CCDC102B: variants seen among roughly 807,000 people sequenced by gnomAD.
The protein encoded by CCDC102B is coiled-coil domain containing 102B, also known as coiled-coil domain-containing protein 102B.
A neutral mutation model predicts 57.4 loss-of-function variants in CCDC102B; 75 were observed. The ratio of observed to expected loss-of-function variants is 1.31; its 90% CI spans 1.08 to 1.58. The LOEUF (loss-of-function observed/expected upper bound fraction) is 1.58, where lower values mean the gene tolerates loss of function less well. Among genes scored for constraint, CCDC102B ranks in the 40% most tolerant of loss-of-function variants. The probability of loss-of-function intolerance (pLI) is 0.00; values close to 1 mark genes in which losing one functional copy is unlikely to be tolerated. For missense variants in CCDC102B, 636 were observed against 582.6 expected (o/e 1.09, Z -0.94); for synonymous variants, 206 against 201.9 (o/e 1.02, Z -0.17).
chr18:68,761,623 C>G (rs189026092), intron 2 of CCDC102B, among the ~76,000 whole-genome samples: 4 of 151,960 alleles, frequency 2.6e-5, no homozygotes, highest in African/African-American at 9.7e-5. Context: ...ACTTCCTTAA[C>G]GCTGGCATAG....
intron 6 of CCDC102B, chr18:68,897,636 A>G: frequency 2.0e-6 from 3 of 1,499,214 alleles, no homozygotes; most frequent in African/African-American, 1.4e-5. Flanking sequence ...AAATATGACA[A>G]ATCTTCAGAC....
chr18:68,950,516 T>C (rs1238525148), intron 6 of CCDC102B, among the ~76,000 whole-genome samples: 1 of 152,148 alleles, frequency 6.6e-6, no homozygotes, highest in Non-Finnish European at 1.5e-5. Context: ...AAATATGTAT[T>C]TGTAATACAT....
At chr18:69,034,346 C>T (rs1005527924) in intron 7 of CCDC102B, among the ~76,000 whole-genome samples, 2 of 151,864 alleles carry the variant, frequency 1.3e-5, no homozygotes, top group African/African-American at 4.8e-5. Flanking sequence ...AGTTTTAGCT[C>T]TCACATTTGG....
rs1304715023 is a variant in CCDC102B, at chr18:68,860,002, C to T, written c.936+13581C>T. Among the ~76,000 whole-genome samples the T allele has an allele frequency of 1.1e-4, 9 of 82,036 alleles. 1 individual carries two copies. In the South Asian group the frequency reaches 1.6e-3, roughly 14 times the overall value. The allele number at this position is 82,036 out of a possible 152,430, so 53.8% of individuals were successfully genotyped here. On this transcript the variant is annotated intron_variant, in intron 4 of 7. Coordinates refer to ENST00000360242, the MANE Select transcript of CCDC102B (RefSeq NM_024781.3). ...ATGCTGCTATAAAGACACATGCACA[C>T]GTATGTTTATTGCGGCATTATTCAC...
chr18:68,764,732 A>G (rs1163173010), intron 2 of CCDC102B, among the ~76,000 whole-genome samples: 1 of 152,124 alleles, frequency 6.6e-6, no homozygotes, highest in Non-Finnish European at 1.5e-5. Context: ...TAAATTTTAA[A>G]ATATCCATCA....
chr18:68,936,901 G>A (rs1418716144), intron 6 of CCDC102B, among the ~76,000 whole-genome samples: 1 of 151,102 alleles, frequency 6.6e-6, no homozygotes, highest in African/African-American at 2.4e-5. Context: ...ACATACGTAA[G>A]TCAATTACTA....
intron 1 of CCDC102B, among the ~76,000 whole-genome samples, chr18:68,815,297 T>C (rs1402919925): frequency 6.6e-6 from 1 of 152,142 alleles, no homozygotes; most frequent in Non-Finnish European, 1.5e-5. Flanking sequence ...AACAAATCTG[T>C]GTATTTCAAA....
At chr18:69,002,698 A>T (rs1208792193) in intron 6 of CCDC102B, among the ~76,000 whole-genome samples, 10 of 151,854 alleles carry the variant, frequency 6.6e-5, no homozygotes, top group Admixed American at 5.9e-4. Context: ...GTTCTCTATT[A>T]AGGTCATTAT....
chr18:68,938,620 A>G (rs1344792043), intron 6 of CCDC102B, among the ~76,000 whole-genome samples: 1 of 151,828 alleles, frequency 6.6e-6, no homozygotes, highest in Admixed American at 6.6e-5. Context: ...GTATCATTTT[A>G]TACTTAAAAT....
intron 4 of CCDC102B, among the ~76,000 whole-genome samples, chr18:68,855,083 C>T (rs749447218): frequency 1.3e-5 from 2 of 152,116 alleles, no homozygotes; most frequent in Non-Finnish European, 2.9e-5. Context: ...TAAGACACCC[C>T]ATTAGCAAAA....
intron 4 of CCDC102B, among the ~76,000 whole-genome samples, chr18:68,856,991 ATTCT>A (rs1046816697): frequency 4.3e-5 from 6 of 139,566 alleles, no homozygotes; most frequent in African/African-American, 1.3e-4. Context: ...ATAATGATCC[ATTCT>A]TTATTTTGTT....
chr18:68,853,415 C>T (rs117101989), intron 4 of CCDC102B, among the ~76,000 whole-genome samples: 1,611 of 151,864 alleles, frequency 0.011, 21 homozygotes, highest in Admixed American at 0.033. Flanking sequence ...GGAAAAAAGA[C>T]TAAATGCTAT....
At chr18:68,953,733 A>T (rs1021032007) in intron 6 of CCDC102B, among the ~76,000 whole-genome samples, 2 of 152,170 alleles carry the variant, frequency 1.3e-5, no homozygotes, top group Non-Finnish European at 2.9e-5. Flanking sequence ...AATTCTAAAG[A>T]TGATAAACAT....
intron 2 of CCDC102B, among the ~76,000 whole-genome samples, chr18:68,788,125 G>A (rs1220093956): frequency 6.6e-6 from 1 of 152,024 alleles, no homozygotes; most frequent in East Asian, 1.9e-4. Context: ...CAGTTTCCAT[G>A]TAGTTGAGCG....
intron 6 of CCDC102B, among the ~76,000 whole-genome samples, chr18:68,918,649 G>T (rs1906214273): frequency 6.6e-6 from 1 of 152,256 alleles, no homozygotes; most frequent in Admixed American, 6.5e-5. Context: ...CAAGAAACCT[G>T]AACAGAAGAC....
chr18:68,876,210 C>A (rs1002805424), intron 5 of CCDC102B, among the ~76,000 whole-genome samples: 2 of 152,078 alleles, frequency 1.3e-5, no homozygotes, highest in South Asian at 2.1e-4. Flanking sequence ...AATATTTAAT[C>A]TTTAGTTCTG....
chr18:68,821,159 A>T (rs1371375656), intron 1 of CCDC102B, among the ~76,000 whole-genome samples: 4 of 152,102 alleles, frequency 2.6e-5, no homozygotes. Flanking sequence ...CACACTACAC[A>T]AAAATTTGGC....
rs112874502 is a variant in CCDC102B at position 68,897,701 on chromosome 18, T to A, written c.1263+273T>A. ...AAATGAAGTAAGAAATAGAACTTTCTGGTTTTTTGTTTCTTATTAAAGCTT... is the reference window on the plus strand; with the variant it reads ...AAATGAAGTAAGAAATAGAACTTTCAGGTTTTTTGTTTCTTATTAAAGCTT... On this transcript the variant is annotated intron_variant, in intron 6 of 7. Transcript: ENST00000360242. 6.1e-4 allele frequency: 749 copies of A among 1,221,276 alleles called. 11 individuals carry two copies. The South Asian group carries it at 9.5e-3, about 15-fold the overall frequency. The allele number at this position is 1,221,276 out of a possible 1,614,324, so 75.7% of individuals were successfully genotyped here. A position where few individuals can be genotyped will look rare whatever the true frequency, so the allele number is the denominator to read the frequency against.
upstream of CCDC102B, chr18:68,715,229 G>C: frequency 7.4e-7 from 1 of 1,356,914 alleles, no homozygotes; most frequent in East Asian, 3.1e-5. Context: ...AATCCTTTGC[G>C]CTCTCGGTGC....
Sources: allele counts gnomAD v4.1 joint callset (sites outside exome capture counted in the v4.1 genomes callset), GRCh38; gene constraint gnomAD v4.1.1; transcripts MANE v1.5; gene names NCBI Gene and HGNC (gene_info 2026-07-23, HGNC 2026-07-21).